The following SLC24A2 variants were observed in gnomAD, a reference collection of about 807,000 sequenced individuals.
SLC24A2 encodes the protein solute carrier family 24 member 2.
SLC24A2 carries 36 observed loss-of-function variants against 62.0 expected under a neutral mutation model. The observed-to-expected ratio is 0.58, with a 90% CI of 0.44 to 0.77. The LOEUF is 0.77. Ranked by LOEUF, SLC24A2 falls within the 30% of genes least tolerant of loss-of-function variation. The pLI, the probability that SLC24A2 is intolerant of heterozygous loss-of-function variation, is 0.00. For missense variants in SLC24A2, 846 were observed against 817.9 expected (o/e 1.03, Z -0.42); for synonymous variants, 358 against 294.0 (o/e 1.22, Z -2.23).
chr9:19,548,414 TC>T (rs1359414134), intron 8 of SLC24A2, among the ~76,000 whole-genome samples: 1 of 152,204 alleles, frequency 6.6e-6, no homozygotes, highest in African/African-American at 2.4e-5. Flanking sequence ...TGCCTAAGTT[TC>T]TTTCTACTTA....
At chr9:20,259,503 T>C in the SLC24A2 span, among the ~76,000 whole-genome samples, 1 of 152,088 alleles carries the variant, frequency 6.6e-6, no homozygotes, top group Admixed American at 6.5e-5. Context: ...CCAGCCAAGA[T>C]AGGAGATGAG....
At chr9:19,722,578 C>T (rs1435424838) in intron 2 of SLC24A2, among the ~76,000 whole-genome samples, 1 of 151,538 alleles carries the variant, frequency 6.6e-6, no homozygotes, top group East Asian at 1.9e-4. Context: ...TCGAAAAGAA[C>T]CAGTTAATAA....
At chr9:19,934,209 T>C in the SLC24A2 span, among the ~76,000 whole-genome samples, 35,383 of 152,080 alleles carry the variant, frequency 0.23, 4,465 homozygotes, top group East Asian at 0.42. The surrounding 1 kb of genome is among the most constrained non-coding windows in gnomAD (Gnocchi z 4.1). Context: ...ACAGCCTGGC[T>C]CTCTGAGAGG....
chr9:20,122,176 A>C, the SLC24A2 span, among the ~76,000 whole-genome samples: 1 of 152,242 alleles, frequency 6.6e-6, no homozygotes, highest in Non-Finnish European at 1.5e-5. Flanking sequence ...CAGTGTTAGC[A>C]GAGCATTTAA....
At chr9:20,015,432 A>T in the SLC24A2 span, among the ~76,000 whole-genome samples, 1 of 152,222 alleles carries the variant, frequency 6.6e-6, no homozygotes, top group Non-Finnish European at 1.5e-5. Flanking sequence ...TGTGAGCTGG[A>T]TTGTTGAGTT....
At chr9:19,792,633 G>A (rs774232656), upstream of SLC24A2, among the ~76,000 whole-genome samples, 2 of 151,856 alleles carry the variant, frequency 1.3e-5, no homozygotes, top group African/African-American at 4.8e-5. Context: ...ACTTGAACCT[G>A]GGATGCGGAG....
chr9:19,933,081 G>T, the SLC24A2 span, among the ~76,000 whole-genome samples: 1 of 152,206 alleles, frequency 6.6e-6, no homozygotes, highest in Admixed American at 6.5e-5. Context: ...TGGGGAAGAG[G>T]CTTGAGCTCT....
At chr9:19,763,834 G>C (rs1200839776) in intron 2 of SLC24A2, among the ~76,000 whole-genome samples, 1 of 152,194 alleles carries the variant, frequency 6.6e-6, no homozygotes, top group Non-Finnish European at 1.5e-5. Context: ...CATAGAACGA[G>C]TTAGGGAGGA....
the SLC24A2 span, among the ~76,000 whole-genome samples, chr9:20,070,511 G>T: frequency 1.3e-5 from 2 of 152,154 alleles, no homozygotes; most frequent in African/African-American, 2.4e-5. Flanking sequence ...CAAAGAAACC[G>T]CAGGCAGCAT....
At chr9:20,181,884 C>T in the SLC24A2 span, among the ~76,000 whole-genome samples, 1 of 152,244 alleles carries the variant, frequency 6.6e-6, no homozygotes, top group African/African-American at 2.4e-5. Context: ...GCAATCTATC[C>T]ATCTGACAAA....
chr9:19,958,540 C>T, the SLC24A2 span, among the ~76,000 whole-genome samples: 8 of 152,150 alleles, frequency 5.3e-5, no homozygotes, highest in Non-Finnish European at 7.3e-5. Context: ...GGGTGCAGAT[C>T]GGCGAGCACG....
At chr9:19,591,397 A>G (rs559748194) in intron 5 of SLC24A2, among the ~76,000 whole-genome samples, 2 of 152,336 alleles carry the variant, frequency 1.3e-5, no homozygotes, top group South Asian at 4.1e-4. Flanking sequence ...TGCCTATCCA[A>G]TATCTATTCC....
At chr9:19,600,851 C>T (rs571671282) in intron 4 of SLC24A2, among the ~76,000 whole-genome samples, 172 of 151,912 alleles carry the variant, frequency 1.1e-3, no homozygotes, top group African/African-American at 3.9e-3. Context: ...AGGGGGAGAG[C>T]GTAGGATTGA....
the SLC24A2 span, among the ~76,000 whole-genome samples, chr9:20,056,461 T>C: frequency 6.6e-6 from 1 of 152,258 alleles, no homozygotes; most frequent in Non-Finnish European, 1.5e-5. Flanking sequence ...ATCCTGTGAA[T>C]GACCAACAAA....
the SLC24A2 span, among the ~76,000 whole-genome samples, chr9:20,087,863 C>G: frequency 6.6e-6 from 1 of 152,180 alleles, no homozygotes; most frequent in Non-Finnish European, 1.5e-5. Context: ...AGGACGACCA[C>G]CTACCTGGGA....
the SLC24A2 span, among the ~76,000 whole-genome samples, chr9:19,823,613 G>T: frequency 6.8e-6 from 1 of 147,950 alleles, no homozygotes; most frequent in Admixed American, 7.0e-5. Flanking sequence ...TGGCAATAGA[G>T]CAAGACTCAG....
At chr9:19,778,159 C>G (rs560330108) in intron 2 of SLC24A2, among the ~76,000 whole-genome samples, 6 of 152,134 alleles carry the variant, frequency 3.9e-5, no homozygotes, top group African/African-American at 1.4e-4. Context: ...AATAACAAAC[C>G]CTTCTTAATA....
At chr9:19,879,641 A>C in the SLC24A2 span, among the ~76,000 whole-genome samples, 1 of 152,188 alleles carries the variant, frequency 6.6e-6, no homozygotes, top group Non-Finnish European at 1.5e-5. Context: ...ACTGAAAAAC[A>C]TGGAAGAAAA....
chr9:19,870,517 A>C, the SLC24A2 span, among the ~76,000 whole-genome samples: 2 of 152,156 alleles, frequency 1.3e-5, no homozygotes, highest in Non-Finnish European at 2.9e-5. Context: ...TCTCTTGGGT[A>C]TATACTTAGG....
Sources: allele counts gnomAD v4.1 joint callset (sites outside exome capture counted in the v4.1 genomes callset), GRCh38; gene constraint gnomAD v4.1.1; non-coding constraint Gnocchi (gnomAD v3.1); transcripts MANE v1.5; gene names NCBI Gene and HGNC (gene_info 2026-07-23, HGNC 2026-07-21).